The following ZRANB3 variants were observed in gnomAD, a reference collection of about 807,000 sequenced individuals.
ZRANB3 encodes zinc finger RANBP2-type containing 3, also known as DNA annealing helicase and endonuclease ZRANB3.
Under a neutral mutation model 133.8 loss-of-function variants are expected in ZRANB3, and 125 were observed. That is an observed-to-expected ratio of 0.93 (90% CI 0.81 to 1.08). ZRANB3 has a LOEUF of 1.08. Ranked by LOEUF, ZRANB3 falls within the 50% of genes least tolerant of loss-of-function variation. The pLI, the probability that ZRANB3 is intolerant of heterozygous loss-of-function variation, is 0.00. For missense variants in ZRANB3, 1,229 were observed against 1,275.5 expected (o/e 0.96, Z 0.56); for synonymous variants, 387 against 432.7 (o/e 0.89, Z 1.31).
intron 2 of ZRANB3, among the ~76,000 whole-genome samples, chr2:135,391,574 ATTTC>A (rs1191005447): frequency 6.7e-6 from 1 of 149,838 alleles, no homozygotes; most frequent in Non-Finnish European, 1.5e-5. Flanking sequence ...ATGAGTTTTT[ATTTC>A]TTTCTTTTTT....
At position 135,208,943 on chromosome 2, in the gene ZRANB3, A is replaced by C; in HGVS notation, c.2531T>G (p.Met844Arg). Residue 844 changes from methionine to arginine, a missense_variant, in exon 18 of 21, where the codon ATG (methionine) becomes AGG (arginine). Physicochemically the swap from Met to Arg is moderately conservative, Grantham distance 91. Coordinates refer to ENST00000264159, the MANE Select transcript of ZRANB3 (RefSeq NM_032143.4). ...ITKEDVAVAS[M>R]DKVKNVGGHV... ...GCCCCCAACATTCTTCACTTTGTCC[A>C]TTGAGGCTACGGCAACATCTTCTTT... is the stretch of plus-strand genomic sequence containing the variant. 6.2e-7 allele frequency: 1 copy of C among 1,613,946 alleles called. No individual in the cohort carries two copies. The highest frequency in any genetic ancestry group is 8.5e-7 in the Non-Finnish European group (1 of 1,179,866).
chr2:135,341,382 T>C (rs1684655660), intron 6 of ZRANB3, among the ~76,000 whole-genome samples: 1 of 150,022 alleles, frequency 6.7e-6, no homozygotes, highest in South Asian at 2.1e-4. Flanking sequence ...AATACTCTTA[T>C]AATTTCCTAT....
chr2:135,345,514 G>T, intron 6 of ZRANB3, 36 bp downstream of exon 6: 1 of 1,439,846 alleles, frequency 6.9e-7, no homozygotes, highest in Non-Finnish European at 9.6e-7. Context: ...CAGTAAACAT[G>T]TGAGGAAAAA....
At chr2:135,283,114 G>A (rs1363193800) in intron 8 of ZRANB3, among the ~76,000 whole-genome samples, 3 of 151,636 alleles carry the variant, frequency 2.0e-5, no homozygotes, top group Non-Finnish European at 4.4e-5. Flanking sequence ...GTGGGTGCCT[G>A]TATCTACAAA....
At chr2:135,364,201 A>G (rs1685824377) in intron 3 of ZRANB3, among the ~76,000 whole-genome samples, 1 of 152,184 alleles carries the variant, frequency 6.6e-6, no homozygotes, top group South Asian at 2.1e-4. Context: ...CTCAGGTTGC[A>G]TTTTGAGAAT....
chr2:135,367,623 C>T (rs1360350864), intron 3 of ZRANB3, among the ~76,000 whole-genome samples: 1 of 152,178 alleles, frequency 6.6e-6, no homozygotes, highest in East Asian at 1.9e-4. Context: ...ACCCCATTGT[C>T]AAGGTAGAGT....
intron 2 of ZRANB3, among the ~76,000 whole-genome samples, chr2:135,441,039 G>A (rs563690080): frequency 6.6e-6 from 1 of 151,952 alleles, no homozygotes; most frequent in Admixed American, 6.6e-5. Flanking sequence ...GAAAAAGAGA[G>A]AAAGGGGCAG....
At chr2:135,513,640 T>C (rs72986493) in intron 1 of ZRANB3, among the ~76,000 whole-genome samples, 10,351 of 152,206 alleles carry the variant, frequency 0.068, 724 homozygotes, top group African/African-American at 0.18. Context: ...CTTTGTAATC[T>C]TGGGTTATGG....
Position 135,275,693 on chromosome 2 carries a change from A to C in ZRANB3, c.1029T>G (p.Val343=). The change falls in exon 9 of 21, where the codon GTT becomes GTG. Residue 343 remains valine (V), a synonymous_variant. Coordinates refer to ENST00000264159, the MANE Select transcript of ZRANB3 (RefSeq NM_032143.4). The part of the protein sequence containing the change: ...MLQNDSLKFL[V]FAHHLSMLQA... ...GGAGCATGCTTAAATGGTGAGCAAA[A>C]ACCAGAAATTTAAGCGAATCATTCT... The C allele has an allele frequency of 6.2e-7, 1 of 1,608,428 alleles. No individual in the cohort carries two copies. The highest frequency in any genetic ancestry group is 8.5e-7 in the Non-Finnish European group (1 of 1,176,926).
At chr2:135,286,882 C>A (rs910465195) in intron 8 of ZRANB3, among the ~76,000 whole-genome samples, 8 of 152,202 alleles carry the variant, frequency 5.3e-5, no homozygotes, top group Admixed American at 2.6e-4. Flanking sequence ...TCTGTTTACT[C>A]TGCTGACTGC....
chr2:135,471,335 C>G (rs116785717), intron 2 of ZRANB3, among the ~76,000 whole-genome samples: 1,573 of 152,196 alleles, frequency 0.01, 24 homozygotes, highest in African/African-American at 0.036. Context: ...CCCTCCTACA[C>G]ACAAGCCAAC....
intron 8 of ZRANB3, among the ~76,000 whole-genome samples, chr2:135,281,328 T>C (rs1267696857): frequency 6.6e-6 from 1 of 152,144 alleles, no homozygotes; most frequent in Admixed American, 6.6e-5. Context: ...TTTGTTCAGG[T>C]ATCGCATGAC....
At chr2:135,331,321 C>T (rs1470214816) in intron 6 of ZRANB3, among the ~76,000 whole-genome samples, 1 of 152,080 alleles carries the variant, frequency 6.6e-6, no homozygotes, top group Admixed American at 6.6e-5. Flanking sequence ...CATTATTTAC[C>T]CACTAGTCAT....
chr2:135,521,843 A>G (rs181002504), intron 1 of ZRANB3, among the ~76,000 whole-genome samples: 27 of 152,286 alleles, frequency 1.8e-4, no homozygotes, highest in African/African-American at 6.5e-4. Context: ...TGAAGAGTGG[A>G]GTCTGCAGAC....
intron 5 of ZRANB3, among the ~76,000 whole-genome samples, chr2:135,347,863 CAAG>C (rs1685014129): frequency 6.6e-6 from 1 of 152,054 alleles, no homozygotes; most frequent in African/African-American, 2.4e-5. Flanking sequence ...CTATGTTAAA[CAAG>C]AAGAACTCAA....
At chr2:135,250,475 C>T (rs1482300434) in intron 12 of ZRANB3, among the ~76,000 whole-genome samples, 1 of 152,220 alleles carries the variant, frequency 6.6e-6, no homozygotes, top group Admixed American at 6.5e-5. Context: ...GTCTCTAGGC[C>T]ATGTCACAGA....
rs554692807 is a variant in ZRANB3 at position 135,430,988 on chromosome 2, A to C, written c.162-40168T>G. Reference sequence around the variant, plus strand: ...TACAACTTGTGAAAGAAAACATAGAATATCAGCTTGAATCAACGGCTCATG... The same window carrying C: ...TACAACTTGTGAAAGAAAACATAGACTATCAGCTTGAATCAACGGCTCATG... On this transcript the variant is annotated intron_variant, in intron 2 of 20. Coordinates refer to ENST00000264159, the MANE Select transcript of ZRANB3 (RefSeq NM_032143.4). Among the ~76,000 whole-genome samples the C allele has an allele frequency of 1.2e-4, 19 of 152,164 alleles. 1 individual carries two copies. The highest frequency in any genetic ancestry group is 4.6e-4 in the Admixed American group (7 of 15,284).
intron 2 of ZRANB3, among the ~76,000 whole-genome samples, chr2:135,393,534 C>T (rs1427380800): frequency 6.6e-6 from 1 of 151,194 alleles, no homozygotes; most frequent in South Asian, 2.1e-4. Flanking sequence ...AATAGGTGTT[C>T]AAAAAGAGAA....
chr2:135,513,243 C>A (rs1693548675), intron 1 of ZRANB3, among the ~76,000 whole-genome samples: 1 of 152,018 alleles, frequency 6.6e-6, no homozygotes, highest in Non-Finnish European at 1.5e-5. Flanking sequence ...TGCAAGGAAC[C>A]CAGAATAGCC....
Sources: allele counts gnomAD v4.1 joint callset (sites outside exome capture counted in the v4.1 genomes callset), GRCh38; gene constraint gnomAD v4.1.1; transcripts MANE v1.5; gene names NCBI Gene and HGNC (gene_info 2026-07-23, HGNC 2026-07-21).